Variants in ATP1A3 observed in about 807,000 individuals in gnomAD.
ATP1A3 encodes ATPase Na+/K+ transporting subunit alpha 3.
Under a neutral mutation model 108.8 loss-of-function variants are expected in ATP1A3, and 12 were observed. The ratio of observed to expected loss-of-function variants is 0.11; its 90% CI spans 0.07 to 0.18. ATP1A3 has a LOEUF of 0.18. ATP1A3 is among the 10% of genes least tolerant of loss of function. The pLI, the probability that ATP1A3 is intolerant of heterozygous loss-of-function variation, is 1.00. For synonymous variants in ATP1A3, 539 were observed against 564.5 expected (o/e 0.95, Z 0.64); for missense variants, 498 against 1,387.7 (o/e 0.36, Z 10.19).
In ATP1A3 at chr19:41,967,348, G is replaced by A; in HGVS notation, c.2922-8C>T. On this transcript the variant is annotated splice_region_variant and splice_polypyrimidine_tract_variant and intron_variant, in intron 21 of 22. Transcript: ENST00000648268. The surrounding 1 kb of genome is among the most constrained non-coding windows in gnomAD (Gnocchi z 4.2). ...CAGAACCACCAGCTGGGCCTGCAGA[G>A]GGGAGAGCAGGAGGGCTTGAGTGCG... 1 of 1,605,194 alleles carries A rather than the reference G, an allele frequency of 6.2e-7. No individual in the cohort carries two copies. The highest frequency in any genetic ancestry group is 1.3e-5 in the African/African-American group (1 of 75,062).
rs112047255 is a variant in ATP1A3 at position 41,971,689 on chromosome 19, G to A, written c.2264-1147C>T. Among the ~76,000 whole-genome samples the A allele has an allele frequency of 1.8e-4, 28 of 152,232 alleles. 2 individuals are homozygous for A. In the South Asian group the frequency reaches 5.0e-3, roughly 27 times the overall value. ...TCCAACTGGAGCAGGCTCAGCACCC[G>A]TCTCTGGGCTAAAAGTCAGGATAAT... On this transcript the variant is annotated intron_variant, in intron 16 of 22. Transcript: ENST00000648268.
intron 16 of ATP1A3, among the ~76,000 whole-genome samples, chr19:41,972,067 T>A (rs1198716273): frequency 2.0e-5 from 3 of 152,056 alleles, no homozygotes; most frequent in Non-Finnish European, 2.9e-5. Flanking sequence ...CTGGCCAACA[T>A]GATGAAACCC....
At position 41,970,164 on chromosome 19, in the gene ATP1A3, A is replaced by G. The variant is rs782109668; in HGVS notation, c.2542+21T>C. 7.4e-6 allele frequency: 12 copies of G among 1,614,038 alleles called. No individual in the cohort carries two copies. In the East Asian group the frequency reaches 1.3e-4, roughly 18 times the overall value. ...AGGCCCGGCACTGGGTGGTAAGGAG[A>G]TGGAGTCCCCGGTGCCTCACCAATC... On this transcript the variant is annotated intron_variant, in intron 18 of 22. Coordinates refer to ENST00000648268, the MANE Select transcript of ATP1A3 (RefSeq NM_152296.5).
At position 41,970,558 on chromosome 19, in the gene ATP1A3, G is replaced by T. The variant is rs149116776; in HGVS notation, c.2264-16C>A. The stretch of plus-strand genomic sequence containing the variant: ...ATCAGGCGGCCTGTGGCACAGGCAG[G>T]CTCAGAGCAGGCGCCCATGCCAGGG... On this transcript the variant is annotated splice_polypyrimidine_tract_variant and intron_variant, in intron 16 of 22. Transcript: ENST00000648268. 4 of 1,613,766 alleles carry T rather than the reference G, an allele frequency of 2.5e-6. No homozygotes were observed. The highest frequency in any genetic ancestry group is 2.5e-6 in the Non-Finnish European group (3 of 1,179,908).
intron 16 of ATP1A3, among the ~76,000 whole-genome samples, chr19:41,973,623 G>A (rs1001034516): frequency 6.6e-6 from 1 of 152,160 alleles, no homozygotes; most frequent in African/African-American, 2.4e-5. Context: ...CATCTGGGCA[G>A]GACCCTCACT....
chr19:41,981,239 T>TC lies in ATP1A3; in HGVS notation c.1437+262dup, dbSNP rs2075228373. ...GTCTCGAACTCCTGGCCTCAAGTGA[T>TC]CCCCCCACCTCAGCCTCCCAAAGTT... On this transcript the variant is annotated intron_variant, in intron 11 of 22. Transcript: ENST00000648268. This position sits in a 1 kb window ranked among gnomAD's most constrained non-coding sequence, Gnocchi z 5.0. 6.6e-6 allele frequency among the ~76,000 whole-genome samples: 1 copy of TC among 151,494 alleles called. No homozygotes were observed. Among genetic ancestry groups the TC allele is most frequent in the East Asian group, 2.0e-4 (1 of 5,120 alleles).
Position 41,985,425 on chromosome 19 carries a change from TG to T in ATP1A3, c.607-3del, listed in dbSNP as rs781995257. 1.7e-5 allele frequency: 28 copies of T among 1,613,128 alleles called. No individual in the cohort carries two copies. In the Admixed American group the frequency reaches 4.5e-4, roughly 26 times the overall value. On this transcript the variant is annotated splice_polypyrimidine_tract_variant and splice_region_variant and intron_variant, in intron 6 of 22. Transcript: ENST00000648268. The surrounding 1 kb of genome is among the most constrained non-coding windows in gnomAD (Gnocchi z 8.2). ...GCCAGTCAGGGAGGAGTTGTCCACC[TG>T]GGGGTAGGTGCAGCAGAGAGAGGGT...
rs1241113172 is a variant in ATP1A3 at position 41,976,537 on chromosome 19, G to A, written c.1973C>T (p.Thr658Ile). The A allele has an allele frequency of 1.9e-6, 3 of 1,614,052 alleles. No homozygotes were observed. The highest frequency in any genetic ancestry group is 1.1e-5 in the South Asian group (1 of 91,086). ...CTCGGAGGTGAAGTCCTTGAGGTCG[G>A]TGCCGTGGATCACGCAGGCCTTGGC... ...RDAKACVIHG[T>I]DLKDFTSEQI... is the part of the protein sequence containing the mutation. The change falls in exon 15 of 23, where the codon ACC becomes ATC. Residue 658 changes from threonine to isoleucine, a missense_variant. By Grantham distance (89) the Thr-to-Ile change is moderately conservative. This residue lies in a region of ATP1A3 where 20 missense variants were observed against 17.8 expected (regional missense o/e 1.12). Coordinates refer to ENST00000648268, the MANE Select transcript of ATP1A3 (RefSeq NM_152296.5).
At chr19:41,983,547 A>C (rs1413731797) in intron 8 of ATP1A3, among the ~76,000 whole-genome samples, 1 of 149,804 alleles carries the variant, frequency 6.7e-6, no homozygotes, top group Non-Finnish European at 1.5e-5. Flanking sequence ...GCTGGCAGCA[A>C]AGCAGCCAGA....
intron 1 of ATP1A3, chr19:41,990,902 G>C (rs1265720625): frequency 6.6e-6 from 1 of 152,098 alleles, no homozygotes; most frequent in Non-Finnish European, 1.5e-5. Flanking sequence ...GTCTCCCTCT[G>C]GTACCTTCCT....
rs782463652 is a variant in ATP1A3, at chr19:41,975,738, G to A, written c.2154C>T (p.Ala718=). ...CGATGCCCATGGCCACCCCAATGTCGGCCTTCTTCAGAGCGGGGGAGTCGT... is the reference window on the plus strand; with the variant it reads ...CGATGCCCATGGCCACCCCAATGTCAGCCTTCTTCAGAGCGGGGGAGTCGT... ...GVNDSPALKK[A]DIGVAMGIAG... is the part of the protein sequence containing the mutation. Residue 718 remains alanine (A), a synonymous_variant, in exon 16 of 23, where the codon GCC becomes GCT. Transcript: ENST00000648268. The A allele has an allele frequency of 4.0e-5, 65 of 1,613,950 alleles. No individual in the cohort carries two copies. The South Asian group carries it at 5.0e-4, about 13-fold the overall frequency.
chr19:41,970,988 A>AG (rs1305532144), intron 16 of ATP1A3, among the ~76,000 whole-genome samples: 1 of 150,496 alleles, frequency 6.6e-6, no homozygotes, highest in Non-Finnish European at 1.5e-5. Context: ...TTTTTGGGAC[A>AG]GGGTCTCACT....
chr19:41,989,942 T>TTGA (rs2075321174), intron 1 of ATP1A3, among the ~76,000 whole-genome samples: 3 of 152,146 alleles, frequency 2.0e-5, no homozygotes, highest in Admixed American at 1.3e-4. Context: ...CTCTGGTTCT[T>TTGA]TGTCTCTCTG....
chr19:41,986,332 T>C (rs376300899), intron 4 of ATP1A3, 103 bp from the exon 5 acceptor site: 1 of 1,130,600 alleles, frequency 8.8e-7, no homozygotes. Flanking sequence ...TCAGTGGGGG[T>C]CTGTATTTGT....
At chr19:41,989,765 C>T (rs532714114) in intron 1 of ATP1A3, among the ~76,000 whole-genome samples, 2 of 152,178 alleles carry the variant, frequency 1.3e-5, no homozygotes, top group East Asian at 1.9e-4. Context: ...CTCTTTATCT[C>T]TCCATCTCTG....
intron 1 of ATP1A3, chr19:41,993,701 A>G: frequency 1.7e-6 from 1 of 602,650 alleles, no homozygotes. Flanking sequence ...ACACACCCAG[A>G]CGCGATCGCA....
At position 41,976,458 on chromosome 19, in the gene ATP1A3, G is replaced by A. The variant is rs1461401586; in HGVS notation, c.2052C>T (p.Ser684=). The A allele has an allele frequency of 6.8e-6, 11 of 1,614,108 alleles. No individual in the cohort carries two copies. Among genetic ancestry groups the A allele is most frequent in the Non-Finnish European group, 9.3e-6 (11 of 1,180,056 alleles). ...CCACAATGATGAGCTTCTGCTGGGG[G>A]GATGTGCGGGCGAAGACGATCTCGG... is the stretch of plus-strand genomic sequence containing the variant. The part of the protein sequence containing the change: ...NHTEIVFART[S]PQQKLIIVEG... Residue 684 remains serine, a synonymous_variant, in exon 15 of 23, where the codon TCC becomes TCT. Transcript: ENST00000648268.
Position 41,994,178 on chromosome 19 carries a change from C to A in ATP1A3, c.-102G>T, listed in dbSNP as rs951595240. The A allele has an allele frequency of 8.6e-6, 10 of 1,159,750 alleles. No individual in the cohort carries two copies. The highest frequency in any genetic ancestry group is 1.2e-5 in the Non-Finnish European group (10 of 864,156). 71.8% of individuals were successfully genotyped at this position (1,159,750 alleles called of 1,614,324 possible). On this transcript the variant is annotated 5_prime_UTR_variant, in exon 1 of 23. Coordinates refer to ENST00000648268, the MANE Select transcript of ATP1A3 (RefSeq NM_152296.5). ...GGGAGCCTCTGCAGCGCCCGCGCCT[C>A]GGTAGGTGCGCGCGTCCGTCCGTCC... is the stretch of plus-strand genomic sequence containing the variant.
intron 1 of ATP1A3, among the ~76,000 whole-genome samples, chr19:41,991,775 AC>A (rs1284051816): frequency 6.7e-6 from 1 of 148,524 alleles, no homozygotes; most frequent in Non-Finnish European, 1.5e-5. Context: ...AGGGGTCTGG[AC>A]CCCTGGGTCT....
Sources: allele counts gnomAD v4.1 joint callset (sites outside exome capture counted in the v4.1 genomes callset), GRCh38; gene constraint gnomAD v4.1.1; regional missense constraint gnomAD v4.1.1; non-coding constraint Gnocchi (gnomAD v3.1); transcripts MANE v1.5; gene names NCBI Gene and HGNC (gene_info 2026-07-23, HGNC 2026-07-21).